The following FLNB variants were observed in gnomAD, a reference collection of about 807,000 sequenced individuals.
The protein encoded by FLNB is filamin-B.
Under a neutral mutation model 250.6 loss-of-function variants are expected in FLNB, and 111 were observed. That is an observed-to-expected ratio of 0.44 (90% CI 0.38 to 0.52). The LOEUF is 0.52. Ranked by LOEUF, FLNB falls within the 20% of genes least tolerant of loss-of-function variation. FLNB has a pLI of 0.00. For missense variants in FLNB, 2,869 were observed against 3,447.8 expected (o/e 0.83, Z 4.20); for synonymous variants, 1,302 against 1,372.1 (o/e 0.95, Z 1.13).
At chr3:58,089,438 C>T (rs1256259413) in intron 4 of FLNB, among the ~76,000 whole-genome samples, 5 of 150,394 alleles carry the variant, frequency 3.3e-5, no homozygotes, top group East Asian at 2.0e-4. Context: ...CCCAGCTACT[C>T]GGGAGGCTGA....
At position 58,154,798 on chromosome 3, in the gene FLNB, C is replaced by T. The variant is rs140786324; in HGVS notation, c.6642C>T (p.Phe2214=). ...GTTTCTCTTTGCTCTCAGCTGAGTT[C>T]AGCATTTGGACCCGGGAAGCAGGCG... ...ERGEAGVPAE[F]SIWTREAGAG... Residue 2214 remains phenylalanine (F), a synonymous_variant, in exon 40 of 46, where the codon TTC becomes TTT. Transcript: ENST00000295956. 1.1e-3 allele frequency: 1,793 copies of T among 1,613,982 alleles called. 10 individuals carry two copies. The Middle Eastern group carries it at 0.026, about 23-fold the overall frequency.
rs1245934133 is a variant in FLNB at position 58,118,951 on chromosome 3, T to C, written c.2825T>C (p.Leu942Pro). 1.2e-6 allele frequency: 2 copies of C among 1,614,124 alleles called. No homozygotes were observed. Residue 942 changes from leucine (L) to proline (P), a missense_variant, in exon 19 of 46, where the codon CTG becomes CCG. Coordinates refer to ENST00000295956, the MANE Select transcript of FLNB (RefSeq NM_001457.4). The stretch of plus-strand genomic sequence containing the variant: ...TTCACTGTGGGTGTTGCTGCACCGC[T>C]GGATCTGAGCAAGATAAAACTCAAT... ...SPFTVGVAAP[L>P]DLSKIKLNGL...
intron 1 of FLNB, among the ~76,000 whole-genome samples, chr3:58,056,077 A>T (rs995080876): frequency 5.1e-5 from 7 of 138,172 alleles, no homozygotes; most frequent in Non-Finnish European, 7.6e-5. Flanking sequence ...AATAAATTTT[A>T]TTTATTTATT....
At chr3:58,082,490 G>T (rs2097210591) in intron 4 of FLNB, among the ~76,000 whole-genome samples, 1 of 152,090 alleles carries the variant, frequency 6.6e-6, no homozygotes, top group Admixed American at 6.5e-5. Flanking sequence ...GAAAATATCG[G>T]CCGGGTGTGA....
At chr3:58,016,665 C>G (rs983199468) in intron 1 of FLNB, among the ~76,000 whole-genome samples, 2 of 151,892 alleles carry the variant, frequency 1.3e-5, no homozygotes, top group Non-Finnish European at 2.9e-5. Flanking sequence ...TTTGGAGGCT[C>G]CCGTGAAGGT....
At chr3:58,081,832 G>T (rs1258394086) in intron 4 of FLNB, 56 bp downstream of exon 4, 18 of 1,586,770 alleles carry the variant, frequency 1.1e-5, no homozygotes, top group South Asian at 2.2e-5. Flanking sequence ...TGTTGGAGAT[G>T]ATTTCATGGC....
chr3:58,111,090 A>G (rs1286815285), intron 16 of FLNB, among the ~76,000 whole-genome samples: 2 of 152,218 alleles, frequency 1.3e-5, no homozygotes, highest in Non-Finnish European at 2.9e-5. Flanking sequence ...GTTGAAATGC[A>G]GTTAGCTTCT....
chr3:58,139,949 A>G (rs765804249), intron 29 of FLNB, among the ~76,000 whole-genome samples: 6 of 152,190 alleles, frequency 3.9e-5, no homozygotes, highest in Non-Finnish European at 8.8e-5. Context: ...GGAGGCTTCC[A>G]AACTCAGTAA....
In FLNB at chr3:58,145,976, C is replaced by T. The variant is rs201863441; in HGVS notation, c.5481C>T (p.Tyr1827=). Residue 1827 remains tyrosine, a synonymous_variant, in exon 33 of 46, where the codon TAC becomes TAT. Coordinates refer to ENST00000295956, the MANE Select transcript of FLNB (RefSeq NM_001457.4). ...NYPNSGSVSA[Y]GPGLVYGVAN... ...CCAACAGTGGAAGTGTTTCTGCATA[C>T]GGTCCAGGCCTCGTGTATGGAGTGG... 2.5e-5 allele frequency: 40 copies of T among 1,614,036 alleles called. No homozygotes were observed. The highest frequency in any genetic ancestry group is 1.6e-4 in the Middle Eastern group (1 of 6,084).
chr3:58,122,061 C>G (rs1255374611), intron 20 of FLNB, among the ~76,000 whole-genome samples: 3 of 147,710 alleles, frequency 2.0e-5, no homozygotes, highest in Non-Finnish European at 4.5e-5. Context: ...CCCAGCTACT[C>G]GGGAGGCTGA....
In FLNB at chr3:58,137,243, G is replaced by A. The variant is rs373069929; in HGVS notation, c.4862-1039G>A. Among the ~76,000 whole-genome samples, 47 of 152,312 alleles carry A rather than the reference G, an allele frequency of 3.1e-4. No homozygotes were observed. The South Asian group carries it at 4.1e-3, about 13-fold the overall frequency. ...ACGGCAAGGTTGTGAATTGCTCAGC[G>A]TGGCCCTTTTTGGCTCACCCATGGC... On this transcript the variant is annotated intron_variant, in intron 28 of 45. Transcript: ENST00000295956.
intron 18 of FLNB, among the ~76,000 whole-genome samples, chr3:58,114,175 G>A (rs570328241): frequency 3.3e-5 from 5 of 150,848 alleles, no homozygotes; most frequent in African/African-American, 4.9e-5. Flanking sequence ...GCACTGTCTC[G>A]GCTCACTGCA....
At position 58,136,120 on chromosome 3, in the gene FLNB, C is replaced by G; in HGVS notation, c.4813C>G (p.Arg1605Gly). 1 of 1,614,184 alleles carries G rather than the reference C, an allele frequency of 6.2e-7. No individual in the cohort carries two copies. The highest frequency in any genetic ancestry group is 1.1e-5 in the South Asian group (1 of 91,074). Reference protein sequence around the residue: ...GGDDIPLSPYRIRATQTGDAS... With the variant: ...GGDDIPLSPYGIRATQTGDAS... ...TGACGACATCCCACTTTCTCCTTAT[C>G]GCATCCGAGCCACACAGACGGGTGA... is the stretch of plus-strand genomic sequence containing the variant. The change falls in exon 28 of 46, where the codon CGC becomes GGC. Residue 1605 changes from arginine to glycine, a missense_variant. Physicochemically the swap from Arg to Gly is moderately radical, Grantham distance 125. This residue lies in a region of FLNB where 126 missense variants were observed against 182.0 expected (regional missense o/e 0.69). Coordinates refer to ENST00000295956, the MANE Select transcript of FLNB (RefSeq NM_001457.4).
At chr3:58,045,742 G>A (rs2106818973) in intron 1 of FLNB, among the ~76,000 whole-genome samples, 1 of 152,308 alleles carries the variant, frequency 6.6e-6, no homozygotes, top group Non-Finnish European at 1.5e-5. Context: ...GCTCATGCCT[G>A]TAATCCCAGC....
chr3:58,097,715 G>A, intron 6 of FLNB, 100 bp from the exon 7 acceptor site: 1 of 1,178,608 alleles, frequency 8.5e-7, no homozygotes, highest in Non-Finnish European at 1.2e-6. Context: ...TGCCATCATG[G>A]GAGGGTAGGA....
At position 58,156,107 on chromosome 3, in the gene FLNB, C is replaced by A. The variant is rs772219719; in HGVS notation, c.6888+32C>A. 5.8e-5 allele frequency: 89 copies of A among 1,538,048 alleles called. 1 individual carries two copies. The highest frequency in any genetic ancestry group is 1.8e-6 in the Non-Finnish European group (2 of 1,111,030). On this transcript the variant is annotated intron_variant, in intron 41 of 45. Coordinates refer to ENST00000295956, the MANE Select transcript of FLNB (RefSeq NM_001457.4). ...TGCAAGGAAGCATCCATCTCCTTGGCCGCAGGCCACCAGTGAGACCCCTGG... is the reference window on the plus strand; with the variant it reads ...TGCAAGGAAGCATCCATCTCCTTGGACGCAGGCCACCAGTGAGACCCCTGG...
rs1260817076 is a variant in FLNB, at chr3:58,008,715, A to G, written c.151A>G (p.Ile51Val). 2.5e-6 allele frequency: 4 copies of G among 1,614,174 alleles called. No individual in the cohort carries two copies. The highest frequency in any genetic ancestry group is 3.4e-6 in the Non-Finnish European group (4 of 1,180,032). ...QTDLSDGLRL[I>V]ALLEVLSQKR... ...CGACCTGAGCGACGGGCTGCGGCTC[A>G]TCGCGCTGCTCGAGGTGCTCAGCCA... is the stretch of plus-strand genomic sequence containing the variant. Residue 51 changes from isoleucine to valine, a missense_variant, in exon 1 of 46, where the codon ATC becomes GTC. This residue lies in a region of FLNB where 308 missense variants were observed against 466.1 expected (regional missense o/e 0.66). Coordinates refer to ENST00000295956, the MANE Select transcript of FLNB (RefSeq NM_001457.4).
intron 9 of FLNB, 89 bp from the exon 10 acceptor site, chr3:58,103,870 C>T: frequency 6.6e-7 from 1 of 1,509,210 alleles, no homozygotes; most frequent in Non-Finnish European, 9.2e-7. Context: ...ATGTTTTGTT[C>T]AGTGTGGCTG....
intron 32 of FLNB, 28 bp downstream of exon 32, chr3:58,143,641 G>T (rs755392729): frequency 1.2e-6 from 2 of 1,612,926 alleles, no homozygotes; most frequent in South Asian, 1.1e-5. Context: ...GCCCAGCAGG[G>T]CTCCACCATT....
Sources: gnomAD v4.1 joint callset for allele counts (sites outside exome capture counted in the v4.1 genomes callset) on GRCh38, gnomAD v4.1.1 for gene constraint, gnomAD v4.1.1 regional missense constraint, MANE v1.5 for transcripts, NCBI Gene and HGNC (gene_info 2026-07-23, HGNC 2026-07-21) for gene names.